Variants in C12orf42 observed in about 807,000 individuals in gnomAD.
C12orf42 encodes uncharacterized protein C12orf42.
In C12orf42, 25 loss-of-function variants were observed where a neutral mutation model predicts 21.6. The observed-to-expected ratio is 1.16, with a 90% CI of 0.84 to 1.62. The LOEUF (loss-of-function observed/expected upper bound fraction) is 1.62, where lower values mean the gene tolerates loss of function less well. Ranked by LOEUF, C12orf42 falls within the 40% of genes most tolerant of loss-of-function variation. C12orf42 has a pLI of 0.00. For missense variants in C12orf42, 483 were observed against 459.3 expected (o/e 1.05, Z -0.47); for synonymous variants, 174 against 175.0 (o/e 0.99, Z 0.05).
chr12:103,075,274 T>C, the C12orf42 span, among the ~76,000 whole-genome samples: 1 of 152,132 alleles, frequency 6.6e-6, no homozygotes, highest in Non-Finnish European at 1.5e-5. Flanking sequence ...ACTTTTGGCC[T>C]CCATCAATAT....
At chr12:103,053,587 A>G in the C12orf42 span, among the ~76,000 whole-genome samples, 1 of 151,920 alleles carries the variant, frequency 6.6e-6, no homozygotes, top group Non-Finnish European at 1.5e-5. Context: ...CTAAAAGCAA[A>G]TGTTTTTAGC....
In C12orf42 at chr12:103,485,601, T is replaced by C. The variant is rs539366593; in HGVS notation, c.-21-7154A>G. 6.2e-3 allele frequency among the ~76,000 whole-genome samples: 941 copies of C among 152,362 alleles called. 7 individuals carry two copies. The highest frequency in any genetic ancestry group is 0.01 in the Non-Finnish European group (690 of 68,028). ...TCATGATATTGATTCTTCCTATCCA[T>C]GAGCATGAAATGTTCTTCCATTTGT... is the stretch of plus-strand genomic sequence containing the variant. On this transcript the variant is annotated intron_variant, in intron 1 of 5. Coordinates refer to ENST00000548883, the MANE Select transcript of C12orf42 (RefSeq NM_198521.5).
At chr12:103,417,854 G>C (rs1478003859) in intron 2 of C12orf42, among the ~76,000 whole-genome samples, 1 of 152,168 alleles carries the variant, frequency 6.6e-6, no homozygotes, top group African/African-American at 2.4e-5. Context: ...ATGTATGCAG[G>C]AGTCAATGGT....
At chr12:103,092,057 T>G in the C12orf42 span, among the ~76,000 whole-genome samples, 1 of 152,202 alleles carries the variant, frequency 6.6e-6, no homozygotes, top group Admixed American at 6.5e-5. Context: ...TTTGTTTGTT[T>G]GTTTGGTTTG....
downstream of C12orf42, among the ~76,000 whole-genome samples, chr12:103,233,102 C>T (rs1240182852): frequency 2.0e-5 from 3 of 152,184 alleles, no homozygotes; most frequent in Non-Finnish European, 4.4e-5. Flanking sequence ...CATTGAGTTG[C>T]CCTTGCCTCT....
chr12:103,169,377 A>G, the C12orf42 span, among the ~76,000 whole-genome samples: 83 of 151,980 alleles, frequency 5.5e-4, no homozygotes, highest in Non-Finnish European at 4.0e-4. Context: ...CCCTCTGCAC[A>G]AGGGAGCTTT....
downstream of C12orf42, among the ~76,000 whole-genome samples, chr12:103,263,548 TG>T (rs1379599345): frequency 6.6e-6 from 1 of 152,086 alleles, no homozygotes; most frequent in African/African-American, 2.4e-5. Context: ...AAGGAGATAG[TG>T]GTCCTGGCAG....
intron 6 of C12orf42, among the ~76,000 whole-genome samples, chr12:103,269,281 G>A (rs1013794772): frequency 3.3e-5 from 5 of 152,114 alleles, no homozygotes; most frequent in Non-Finnish European, 7.4e-5. Context: ...AGCGGATGAC[G>A]TAAGTAGACA....
the C12orf42 span, among the ~76,000 whole-genome samples, chr12:103,524,390 C>T: frequency 6.6e-6 from 1 of 151,334 alleles, no homozygotes; most frequent in South Asian, 2.1e-4. Flanking sequence ...ACAGAGGTGG[C>T]AAAAAAAAGG....
rs182543447 is a variant in C12orf42 at position 103,317,289 on chromosome 12, C to G, written c.260-10944G>C. On this transcript the variant is annotated intron_variant, in intron 4 of 5. Transcript: ENST00000548883. The stretch of plus-strand genomic sequence containing the variant: ...ATTCTTTCTCCCAATATCACTCAAC[C>G]ACCCCCTCTCTCCTAGTAAAGGGAC... Among the ~76,000 whole-genome samples, 381 of 152,264 alleles carry G rather than the reference C, an allele frequency of 2.5e-3. 2 individuals are homozygous for G. The highest frequency in any genetic ancestry group is 8.2e-4 in the Non-Finnish European group (56 of 68,020).
At chr12:103,317,601 T>G (rs1032509979) in intron 4 of C12orf42, among the ~76,000 whole-genome samples, 1 of 152,246 alleles carries the variant, frequency 6.6e-6, no homozygotes, top group African/African-American at 2.4e-5. Flanking sequence ...ATTCATTGAA[T>G]GAATGTCTCT....
the C12orf42 span, among the ~76,000 whole-genome samples, chr12:103,546,080 A>G: frequency 6.6e-6 from 1 of 152,204 alleles, no homozygotes; most frequent in Non-Finnish European, 1.5e-5. Flanking sequence ...ACTGAGAGAA[A>G]GTATCCTAGG....
At chr12:103,475,262 A>G (rs1189975142) in intron 2 of C12orf42, among the ~76,000 whole-genome samples, 1 of 152,178 alleles carries the variant, frequency 6.6e-6, no homozygotes, top group Non-Finnish European at 1.5e-5. Flanking sequence ...GCTGCCCCAC[A>G]CTGGGCCCCC....
At chr12:103,517,985 CAG>C in the C12orf42 span, among the ~76,000 whole-genome samples, 1 of 151,830 alleles carries the variant, frequency 6.6e-6, no homozygotes, top group African/African-American at 2.4e-5. Context: ...CATCATGAAT[CAG>C]AAAGTGAAAA....
intron 3 of C12orf42, among the ~76,000 whole-genome samples, chr12:103,371,255 A>G (rs945819864): frequency 6.6e-6 from 1 of 152,104 alleles, no homozygotes; most frequent in Non-Finnish European, 1.5e-5. Context: ...AAACCAGAAA[A>G]AAAGCTAAGT....
intron 4 of C12orf42, among the ~76,000 whole-genome samples, chr12:103,354,840 G>C (rs1232834390): frequency 6.6e-6 from 1 of 152,032 alleles, no homozygotes; most frequent in African/African-American, 2.4e-5. Flanking sequence ...TTTCAGGTGT[G>C]AACCACCATG....
At chr12:103,549,043 A>T in the C12orf42 span, 2 of 152,200 alleles carry the variant, frequency 1.3e-5, no homozygotes, top group Non-Finnish European at 2.9e-5. Flanking sequence ...CTCTTGCTGA[A>T]CTTCAAAAAC....
At chr12:103,168,190 C>G in the C12orf42 span, 1 of 420,596 alleles carries the variant, frequency 2.4e-6, no homozygotes, top group Non-Finnish European at 4.7e-6. Flanking sequence ...TTTTCTTCTG[C>G]TTACACCAAT....
the C12orf42 span, among the ~76,000 whole-genome samples, chr12:103,202,782 A>T: frequency 6.6e-6 from 1 of 152,216 alleles, no homozygotes. Context: ...ATATGGGACA[A>T]ATAGTAAAGA....
Sources: gnomAD v4.1 joint callset for allele counts (sites outside exome capture counted in the v4.1 genomes callset) on GRCh38, gnomAD v4.1.1 for gene constraint, MANE v1.5 for transcripts, NCBI Gene and HGNC (gene_info 2026-07-23, HGNC 2026-07-21) for gene names.